Variants in CSMD1 observed in about 807,000 individuals in gnomAD.
CSMD1 encodes CUB and Sushi multiple domains 1.
CSMD1 carries 213 observed loss-of-function variants against 417.5 expected under a neutral mutation model. That is an observed-to-expected ratio of 0.51 (90% CI 0.46 to 0.57). The LOEUF (loss-of-function observed/expected upper bound fraction) is 0.57, where lower values mean the gene tolerates loss of function less well. Ranked by LOEUF, CSMD1 falls within the 20% of genes least tolerant of loss-of-function variation. CSMD1 has a pLI of 0.00. For missense variants in CSMD1, 6,923 were observed against 4,529.7 expected, an observed-to-expected ratio of 1.53 and a Z score of -15.17; for synonymous variants, 2,862 against 1,736.8, an observed-to-expected ratio of 1.65 and a Z score of -16.11.
At chr8:4,783,221 T>C (rs1269968287) in intron 1 of CSMD1, among the ~76,000 whole-genome samples, 1 of 152,198 alleles carries the variant, frequency 6.6e-6, no homozygotes, top group Non-Finnish European at 1.5e-5. Context: ...AGAATTGTAT[T>C]TCGTGAAACA....
chr8:4,680,862 G>A (rs1281319359), intron 1 of CSMD1, among the ~76,000 whole-genome samples: 1 of 151,952 alleles, frequency 6.6e-6, no homozygotes, highest in Non-Finnish European at 1.5e-5. Flanking sequence ...TTATAAGTGT[G>A]AGCCACTGTA....
chr8:3,022,453 C>G (rs963292753), intron 51 of CSMD1, among the ~76,000 whole-genome samples: 2 of 152,216 alleles, frequency 1.3e-5, no homozygotes, highest in Non-Finnish European at 2.9e-5. Flanking sequence ...CTGGGGATTC[C>G]AAGCCACTAG....
At chr8:4,599,778 G>A (rs1043891435) in intron 2 of CSMD1, among the ~76,000 whole-genome samples, 1 of 152,140 alleles carries the variant, frequency 6.6e-6, no homozygotes, top group African/African-American at 2.4e-5. Flanking sequence ...AGTTCACACA[G>A]TGGATACTGT....
chr8:3,644,963 A>C (rs1192116478), intron 7 of CSMD1, among the ~76,000 whole-genome samples: 24 of 108,880 alleles, frequency 2.2e-4, no homozygotes, highest in Non-Finnish European at 4.3e-4. Context: ...TAAGGCTTTA[A>C]ATGAAAAAAA....
chr8:4,178,655 A>G (rs929892982), intron 3 of CSMD1, among the ~76,000 whole-genome samples: 2 of 152,176 alleles, frequency 1.3e-5, no homozygotes, highest in Non-Finnish European at 2.9e-5. Flanking sequence ...CTTTTTGCAG[A>G]TAATATGATT....
chr8:3,743,395 C>G (rs915467109), intron 6 of CSMD1, among the ~76,000 whole-genome samples: 1 of 152,112 alleles, frequency 6.6e-6, no homozygotes, highest in African/African-American at 2.4e-5. Flanking sequence ...AACTGCATTG[C>G]GTGGAATAGT....
intron 5 of CSMD1, among the ~76,000 whole-genome samples, chr8:3,889,992 G>C (rs998059724): frequency 1.3e-5 from 2 of 151,972 alleles, no homozygotes; most frequent in African/African-American, 4.8e-5. Context: ...AGACAACCCT[G>C]GGAATATAGG....
chr8:4,523,301 T>C (rs929407505), intron 2 of CSMD1, among the ~76,000 whole-genome samples: 3 of 152,316 alleles, frequency 2.0e-5, no homozygotes, highest in African/African-American at 7.2e-5. Flanking sequence ...TTATCTCTTT[T>C]GCAGTTCTGA....
intron 12 of CSMD1, among the ~76,000 whole-genome samples, chr8:3,439,758 C>T (rs1814849838): frequency 6.6e-6 from 1 of 152,086 alleles, no homozygotes; most frequent in African/African-American, 2.4e-5. Flanking sequence ...AATATTTCCT[C>T]ATATCTTTTA....
At chr8:3,792,214 G>T (rs1585005249) in intron 5 of CSMD1, among the ~76,000 whole-genome samples, 1 of 152,162 alleles carries the variant, frequency 6.6e-6, no homozygotes, top group South Asian at 2.1e-4. Flanking sequence ...GATCGCTCAA[G>T]CCCAGGAGGG....
intron 3 of CSMD1, among the ~76,000 whole-genome samples, chr8:4,133,632 A>G (rs1242504885): frequency 6.6e-6 from 1 of 152,202 alleles, no homozygotes. Context: ...TAGCAATGCG[A>G]AGAGGAAAAC....
At chr8:3,544,460 T>C (rs979131836) in intron 10 of CSMD1, among the ~76,000 whole-genome samples, 3 of 152,062 alleles carry the variant, frequency 2.0e-5, no homozygotes, top group African/African-American at 7.2e-5. Flanking sequence ...AACGCCTTAC[T>C]CTGTCCATGG....
At position 3,087,111 on chromosome 8, in the gene CSMD1, G is replaced by A. The variant is rs375279715; in HGVS notation, c.7460C>T (p.Thr2487Met). 63 of 1,613,246 alleles carry A rather than the reference G, an allele frequency of 3.9e-5. No individual in the cohort carries two copies. Among genetic ancestry groups the A allele is most frequent in the East Asian group, 8.9e-5 (4 of 44,880 alleles). Residue 2487 changes from threonine (T) to methionine (M), a missense_variant, in exon 49 of 70, where the codon ACG becomes ATG. Thr to Met is a moderately conservative substitution (Grantham distance 81). Transcript: ENST00000635120. Reference protein sequence around the residue: ...PLGMYQWDSLTPLCQAVSCGI... With the variant: ...PLGMYQWDSLMPLCQAVSCGI... ...GCATTTCTTACCCTGGCAGAGTGGCGTGAGGGAGTCCCACTGGTACATGCC... is the reference window on the plus strand; with the variant it reads ...GCATTTCTTACCCTGGCAGAGTGGCATGAGGGAGTCCCACTGGTACATGCC...
At chr8:3,282,807 G>A (rs1470298979) in intron 26 of CSMD1, among the ~76,000 whole-genome samples, 2 of 152,162 alleles carry the variant, frequency 1.3e-5, no homozygotes, top group Non-Finnish European at 2.9e-5. Flanking sequence ...ACCTTTTAAA[G>A]CATTAAACTG....
intron 3 of CSMD1, among the ~76,000 whole-genome samples, chr8:4,212,992 T>C (rs1800413040): frequency 6.6e-6 from 1 of 152,110 alleles, no homozygotes; most frequent in South Asian, 2.1e-4. Flanking sequence ...CCAAGTCATG[T>C]TGCCTCTCAG....
At chr8:2,971,946 T>C (rs1804496790) in intron 57 of CSMD1, among the ~76,000 whole-genome samples, 1 of 152,142 alleles carries the variant, frequency 6.6e-6, no homozygotes, top group African/African-American at 2.4e-5. Flanking sequence ...ATTATCATGT[T>C]TGTGTGCACA....
intron 41 of CSMD1, among the ~76,000 whole-genome samples, chr8:3,132,472 A>T (rs1817843058): frequency 6.6e-6 from 1 of 152,186 alleles, no homozygotes; most frequent in African/African-American, 2.4e-5. Context: ...ACACTGATCT[A>T]TGAAAGTAAG....
chr8:4,450,866 A>G (rs1251911141), intron 2 of CSMD1, among the ~76,000 whole-genome samples: 1 of 152,172 alleles, frequency 6.6e-6, no homozygotes, highest in Non-Finnish European at 1.5e-5. Context: ...AACAATTGTT[A>G]ATATTCTTCC....
At chr8:4,741,356 C>A (rs183188145) in intron 1 of CSMD1, among the ~76,000 whole-genome samples, 1 of 152,178 alleles carries the variant, frequency 6.6e-6, no homozygotes, top group South Asian at 2.1e-4. Context: ...CTACATTATT[C>A]TAATTCAGCA....
Sources: gnomAD v4.1 joint callset for allele counts (sites outside exome capture counted in the v4.1 genomes callset) on GRCh38, gnomAD v4.1.1 for gene constraint, MANE v1.5 for transcripts, NCBI Gene and HGNC (gene_info 2026-07-23, HGNC 2026-07-21) for gene names.